Variants in PIK3R1 observed in about 807,000 individuals in gnomAD.
PIK3R1 encodes phosphatidylinositol 3-kinase regulatory subunit alpha.
In PIK3R1, 29 loss-of-function variants were observed where a neutral mutation model predicts 98.0. That is an observed-to-expected ratio of 0.30 (90% CI 0.22 to 0.40). The LOEUF (loss-of-function observed/expected upper bound fraction) is 0.40. PIK3R1 is among the 10% of genes least tolerant of loss of function. PIK3R1 has a pLI of 1.00. For synonymous variants in PIK3R1, 282 were observed against 311.8 expected (o/e 0.90, Z 1.01); for missense variants, 596 against 872.7 (o/e 0.68, Z 3.99).
rs1421536972 is a variant in PIK3R1 at position 68,226,500 on chromosome 5, C to T, written c.-176C>T. The T allele has an allele frequency of 1.0e-5, 6 of 574,964 alleles. No homozygotes were observed. The highest frequency in any genetic ancestry group is 3.0e-5 in the Admixed American group (1 of 32,996). 35.6% of individuals were successfully genotyped at this position (574,964 alleles called of 1,614,324 possible). On this transcript the variant is annotated 5_prime_UTR_variant, in exon 2 of 16. Transcript: ENST00000521381. ...ACACCATTGATGGAGGACAGATGGA[C>T]AGCCGTATGGCCAGTCACCTCTCCT...
At chr5:68,254,669 C>A (rs1185726805) in intron 2 of PIK3R1, among the ~76,000 whole-genome samples, 2 of 152,126 alleles carry the variant, frequency 1.3e-5, no homozygotes, top group African/African-American at 4.8e-5. Context: ...AATAAGTGGC[C>A]TGTCACCAGT....
At chr5:68,220,604 T>C (rs1744059137) in intron 1 of PIK3R1, among the ~76,000 whole-genome samples, 2 of 152,328 alleles carry the variant, frequency 1.3e-5, no homozygotes, top group East Asian at 3.9e-4. Context: ...TTGTGTTACC[T>C]GGGCTTGTGC....
At chr5:68,271,768 A>C (rs1746369752) in intron 2 of PIK3R1, among the ~76,000 whole-genome samples, 1 of 150,946 alleles carries the variant, frequency 6.6e-6, no homozygotes, top group Admixed American at 6.6e-5. Flanking sequence ...GGTAGTTGCA[A>C]TGGCTAATAG....
chr5:68,236,563 G>C (rs1561263445), intron 2 of PIK3R1, among the ~76,000 whole-genome samples: 1 of 152,160 alleles, frequency 6.6e-6, no homozygotes, highest in Non-Finnish European at 1.5e-5. Flanking sequence ...AACCGTTTTT[G>C]AGATTTAAAA....
chr5:68,271,585 AT>A (rs11360241), intron 2 of PIK3R1, among the ~76,000 whole-genome samples: 42,222 of 148,740 alleles, frequency 0.28, 7,974 homozygotes, highest in African/African-American at 0.55. Flanking sequence ...ATCAGTTAAA[AT>A]AAAAAATTCA....
intron 2 of PIK3R1, among the ~76,000 whole-genome samples, chr5:68,261,931 G>GT (rs1745769487): frequency 6.6e-6 from 1 of 152,154 alleles, no homozygotes; most frequent in African/African-American, 2.4e-5. Flanking sequence ...CAACAGAGGA[G>GT]TGGAGCATAG....
intron 4 of PIK3R1, among the ~76,000 whole-genome samples, chr5:68,274,879 T>C (rs1746508031): frequency 6.6e-6 from 1 of 152,224 alleles, no homozygotes; most frequent in Non-Finnish European, 1.5e-5. Flanking sequence ...AATTATATAC[T>C]GCCTCACATC....
chr5:68,296,083 G>T (rs1747697243), intron 14 of PIK3R1, 88 bp from the exon 15 acceptor site: 2 of 1,307,304 alleles, frequency 1.5e-6, no homozygotes, highest in Non-Finnish European at 2.2e-6. Context: ...CAGGAGGGAA[G>T]TGACGGGGGT....
Position 68,301,654 on chromosome 5 carries a change from C to A in PIK3R1, c.*4053C>A, listed in dbSNP as rs1298972674. The A allele has an allele frequency of 6.9e-6, 1 of 144,268 alleles. No individual in the cohort carries two copies. Among genetic ancestry groups the A allele is most frequent in the African/African-American group, 3.0e-5 (1 of 32,982 alleles). 8.9% of individuals were successfully genotyped at this position (144,268 alleles called of 1,614,324 possible). ...TTGACGAGAGGGAGGATGTCACGGT[C>A]AGTTGTAACTTTGCCTTCACAAGGC... is the stretch of plus-strand genomic sequence containing the variant. On this transcript the variant is annotated 3_prime_UTR_variant, in exon 16 of 16. Transcript: ENST00000521381.
intron 15 of PIK3R1, among the ~76,000 whole-genome samples, chr5:68,297,002 A>T (rs1316978378): frequency 6.6e-6 from 1 of 152,206 alleles, no homozygotes; most frequent in East Asian, 1.9e-4. Flanking sequence ...AGCCAGAAAG[A>T]AGGAATCCTA....
At chr5:68,250,846 AATT>A in intron 2 of PIK3R1, among the ~76,000 whole-genome samples, 1 of 152,312 alleles carries the variant, frequency 6.6e-6, no homozygotes, top group Admixed American at 6.5e-5. Context: ...GAGGAGCTTG[AATT>A]GGTGCTCTTG....
At chr5:68,262,713 A>C (rs372477092) in intron 2 of PIK3R1, among the ~76,000 whole-genome samples, 152 of 135,998 alleles carry the variant, frequency 1.1e-3, no homozygotes, top group East Asian at 3.2e-3. Flanking sequence ...ATGCATGTAG[A>C]TGCATGTATA....
rs1054534674 is a variant in PIK3R1, at chr5:68,300,154, G to T, written c.*2553G>T. ...CTTTGCAAGATGATACGGTATTTAG[G>T]CATTTGCCTTATTTTTGCATCTCAC... On this transcript the variant is annotated 3_prime_UTR_variant, in exon 16 of 16. Transcript: ENST00000521381. 1.7e-5 allele frequency: 4 copies of T among 233,046 alleles called. No homozygotes were observed. The highest frequency in any genetic ancestry group is 6.6e-5 in the African/African-American group (3 of 45,320). The allele number at this position is 233,046 out of a possible 1,614,324, so 14.4% of individuals were successfully genotyped here.
intron 7 of PIK3R1, chr5:68,290,908 G>A: frequency 2.2e-6 from 2 of 923,582 alleles, no homozygotes; most frequent in Non-Finnish European, 3.3e-6. Context: ...TACTGTAAAA[G>A]ATCCTTTTTG....
chr5:68,240,946 G>A (rs1744851425), intron 2 of PIK3R1, among the ~76,000 whole-genome samples: 1 of 152,142 alleles, frequency 6.6e-6, no homozygotes, highest in Non-Finnish European at 1.5e-5. Flanking sequence ...TCTAGTGAGG[G>A]TTTTGCTTAG....
intron 10 of PIK3R1, 25 bp downstream of exon 10, chr5:68,293,508 C>T: frequency 1.9e-6 from 3 of 1,546,012 alleles, no homozygotes; most frequent in South Asian, 2.3e-5. Flanking sequence ...ATGAATTATC[C>T]AGTTACGATG....
intron 14 of PIK3R1, 157 bp downstream of exon 14, chr5:68,295,645 A>T (rs544664077): frequency 2.7e-5 from 18 of 659,150 alleles, no homozygotes; most frequent in East Asian, 2.5e-4. Context: ...CCAGAATTTT[A>T]AAAAAAGAAA....
In PIK3R1 at chr5:68,299,643, A is replaced by G. The variant is rs1747930207; in HGVS notation, c.*2042A>G. On this transcript the variant is annotated 3_prime_UTR_variant, in exon 16 of 16. Transcript: ENST00000521381. Reference sequence around the variant, plus strand: ...CAATTTCAAATTACTCTTTCTCCATATTAGATTTACCCACAGCTATATTTC... The same window carrying G: ...CAATTTCAAATTACTCTTTCTCCATGTTAGATTTACCCACAGCTATATTTC... 4.3e-6 allele frequency: 1 copy of G among 233,098 alleles called. No individual in the cohort carries two copies. The highest frequency in any genetic ancestry group is 2.2e-5 in the African/African-American group (1 of 45,338). The allele number at this position is 233,098 out of a possible 1,614,324, so 14.4% of individuals were successfully genotyped here. A position where few individuals can be genotyped will look rare whatever the true frequency, so the allele number is the denominator to read the frequency against.
Position 68,301,496 on chromosome 5 carries a change from AC to A in PIK3R1, c.*3896del, listed in dbSNP as rs1658389042. 1 of 144,860 alleles carries A rather than the reference AC, an allele frequency of 6.9e-6. No individual in the cohort carries two copies. Among genetic ancestry groups the A allele is most frequent in the Non-Finnish European group, 1.5e-5 (1 of 67,604 alleles). 9.0% of individuals were successfully genotyped at this position (144,860 alleles called of 1,614,324 possible). A position where few individuals can be genotyped will look rare whatever the true frequency, so the allele number is the denominator to read the frequency against. On this transcript the variant is annotated 3_prime_UTR_variant, in exon 16 of 16. Coordinates refer to ENST00000521381, the MANE Select transcript of PIK3R1 (RefSeq NM_181523.3). The stretch of plus-strand genomic sequence containing the variant: ...TATATACATATATGTATATATATGC[AC>A]ATATATATATGTATTTAAAAAAATC...
Sources: allele counts gnomAD v4.1 joint callset (sites outside exome capture counted in the v4.1 genomes callset), GRCh38; gene constraint gnomAD v4.1.1; transcripts MANE v1.5; gene names NCBI Gene and HGNC (gene_info 2026-07-23, HGNC 2026-07-21).